Variants in TCAF2 observed in about 807,000 individuals in gnomAD.
TCAF2 encodes the protein TRPM8 channel associated factor 2.
In TCAF2, 6 loss-of-function variants were observed where a neutral mutation model predicts 33.9. The observed-to-expected ratio is 0.18, with a 90% CI of 0.10 to 0.35. TCAF2 has a LOEUF of 0.35. TCAF2 is among the 10% of genes least tolerant of loss of function. The pLI, the probability that TCAF2 is intolerant of heterozygous loss-of-function variation, is 1.00. For synonymous variants in TCAF2, 41 were observed against 247.8 expected (o/e 0.17, Z 7.84); for missense variants, 109 against 604.0 (o/e 0.18, Z 8.59).
chr7:143,621,041 G>T (rs1808771618), intron 1 of TCAF2, 21 bp downstream of exon 1: 2 of 172,438 alleles, frequency 1.2e-5, no homozygotes, highest in Admixed American at 1.5e-4. Context: ...CAATCCCAGC[G>T]GGTCCTGGGG....
In TCAF2 at chr7:143,724,551, C is replaced by A. The variant is rs141320728; in HGVS notation, c.2359C>A (p.His787Asn). ...ATCNLWSVYV[H>N]ETVLGIPRAQ... ...CTGTAACCTTTGGTCAGTCTACGTG[C>A]ATGAAACAGTCCTGGGGATCCCCAG... Residue 787 changes from histidine to asparagine, a missense_variant, in exon 7 of 8, where the codon CAT becomes AAT. Coordinates refer to ENST00000684770, the MANE Select transcript of TCAF2 (RefSeq NM_001363538.2). 25,446 of 1,605,908 alleles carry A rather than the reference C, an allele frequency of 0.016. 411 individuals carry two copies. The highest frequency in any genetic ancestry group is 0.018 in the Non-Finnish European group (21,593 of 1,175,466).
intron 1 of TCAF2, among the ~76,000 whole-genome samples, chr7:143,701,777 T>TTTTAC (rs1563172036): frequency 1.7e-5 from 2 of 120,830 alleles, no homozygotes; most frequent in East Asian, 4.2e-4. Flanking sequence ...TTTTATTTTA[T>TTTTAC]TTTATTTTAT....
intron 2 of TCAF2, among the ~76,000 whole-genome samples, chr7:143,718,545 G>A (rs1441491890): frequency 6.6e-6 from 1 of 151,244 alleles, no homozygotes; most frequent in Non-Finnish European, 1.5e-5. Context: ...GCAATCTATT[G>A]TTAACCATAA....
Position 143,720,069 on chromosome 7 carries a change from A to G in TCAF2, c.1010A>G (p.Lys337Arg). ...AGCGACTTGTGTGTCTACTGCTGCA[A>G]GGCGTACAGTGACAAGGAGGCTAAG... Reference protein sequence around the residue: ...LNSDLCVYCCKAYSDKEAKQL... With the variant: ...LNSDLCVYCCRAYSDKEAKQL... The change falls in exon 3 of 8, where the codon AAG becomes AGG. Residue 337 changes from lysine to arginine, a missense_variant. Lys to Arg is a conservative substitution (Grantham distance 26). Coordinates refer to ENST00000684770, the MANE Select transcript of TCAF2 (RefSeq NM_001363538.2). 1 of 1,604,084 alleles carries G rather than the reference A, an allele frequency of 6.2e-7. No homozygotes were observed. The highest frequency in any genetic ancestry group is 1.1e-5 in the South Asian group (1 of 90,708).
chr7:143,635,081 A>C (rs1373043146), intron 1 of TCAF2, among the ~76,000 whole-genome samples: 1 of 55,076 alleles, frequency 1.8e-5, no homozygotes, highest in Non-Finnish European at 3.6e-5. Context: ...AAATAAATCC[A>C]GAAGAGTATT....
chr7:143,724,598 G>C lies in TCAF2; in HGVS notation c.2406G>C (p.Leu802=), dbSNP rs1489086059. ...CCAGGGCTCAGGCCCACGAGGCTCT[G>C]AGCCCTCCAGAGCGAGAGAGGAGAA... ...GIPRAQAHEA[L]SPPERERRIK... is the part of the protein sequence containing the mutation. Residue 802 remains leucine, a synonymous_variant, in exon 7 of 8, where the codon CTG becomes CTC. Transcript: ENST00000684770. 1 of 1,610,836 alleles carries C rather than the reference G, an allele frequency of 6.2e-7. No individual in the cohort carries two copies. Among genetic ancestry groups the C allele is most frequent in the African/African-American group, 1.3e-5 (1 of 74,368 alleles).
In TCAF2 at chr7:143,729,181, T is replaced by G. The variant is rs1563179634; in HGVS notation, c.*1514T>G. ...GCTATTTACTGTGAGTGATTTAATG[T>G]TATCTTCCCAGCAGACCTCTGAGGT... On this transcript the variant is annotated 3_prime_UTR_variant, in exon 8 of 8. Transcript: ENST00000684770. 1 of 152,298 alleles carries G rather than the reference T, an allele frequency of 6.6e-6. No individual in the cohort carries two copies. Among genetic ancestry groups the G allele is most frequent in the East Asian group, 1.9e-4 (1 of 5,182 alleles). The allele number at this position is 152,298 out of a possible 1,614,324, so 9.4% of individuals were successfully genotyped here.
rs770522254 is a variant in TCAF2, at chr7:143,728,178, C to T, written c.*511C>T. On this transcript the variant is annotated 3_prime_UTR_variant, in exon 8 of 8. Transcript: ENST00000684770. Reference sequence around the variant, plus strand: ...TCTTCACATCCATGACATGAGGATACAAATCTTTTCCTCACAAAGCTGTTG... The same window carrying T: ...TCTTCACATCCATGACATGAGGATATAAATCTTTTCCTCACAAAGCTGTTG... 6.3e-4 allele frequency: 115 copies of T among 183,820 alleles called. No individual in the cohort carries two copies. Among genetic ancestry groups the T allele is most frequent in the South Asian group, 4.4e-4 (4 of 9,156 alleles). The allele number at this position is 183,820 out of a possible 1,614,324, so 11.4% of individuals were successfully genotyped here. A position where few individuals can be genotyped will look rare whatever the true frequency, so the allele number is the denominator to read the frequency against.
intron 7 of TCAF2, 152 bp downstream of exon 7, chr7:143,724,849 G>T (rs2116531546): frequency 2.6e-6 from 4 of 1,548,832 alleles, no homozygotes; most frequent in Middle Eastern, 2.4e-4. Flanking sequence ...GCAGGGTGGT[G>T]CTTCTTGGGT....
chr7:143,635,086 A>G (rs868619606), intron 1 of TCAF2, among the ~76,000 whole-genome samples: 1,796 of 53,690 alleles, frequency 0.033, 13 homozygotes, highest in African/African-American at 0.12. Context: ...AATCCAGAAG[A>G]GTATTTTTAC....
chr7:143,720,037 T>A lies in TCAF2; in HGVS notation c.978T>A (p.His326Gln). The A allele has an allele frequency of 1.2e-6, 2 of 1,603,236 alleles. No homozygotes were observed. The highest frequency in any genetic ancestry group is 1.7e-6 in the Non-Finnish European group (2 of 1,176,426). ...EHGLQCSLEPHLNSDLCVYCC... is the reference protein window; with the variant it reads ...EHGLQCSLEPQLNSDLCVYCC... The stretch of plus-strand genomic sequence containing the variant: ...GCCTGCAATGCAGCCTGGAGCCCCA[T>A]CTGAACAGCGACTTGTGTGTCTACT... The change falls in exon 3 of 8, where the codon CAT (histidine) becomes CAA (glutamine). Residue 326 changes from histidine (H) to glutamine (Q), a missense_variant. By Grantham distance (24) the His-to-Gln change is conservative. Coordinates refer to ENST00000684770, the MANE Select transcript of TCAF2 (RefSeq NM_001363538.2).
rs1253032921 is a variant in TCAF2 at position 143,701,756 on chromosome 7, A to AC, written c.-11-1228_-11-1227insC. Among the ~76,000 whole-genome samples, 489 of 88,310 alleles carry AC rather than the reference A, an allele frequency of 5.5e-3. 21 individuals are homozygous for AC. The highest frequency in any genetic ancestry group is 0.021 in the African/African-American group (472 of 22,894). The allele number at this position is 88,310 out of a possible 152,430, so 57.9% of individuals were successfully genotyped here. On this transcript the variant is annotated intron_variant, in intron 1 of 7. Coordinates refer to ENST00000684770, the MANE Select transcript of TCAF2 (RefSeq NM_001363538.2). The stretch of plus-strand genomic sequence containing the variant: ...TTAGACATATTCTTTGCTTTATTTT[A>AC]TTTTACTTTATTTTATTTTATTTTA...
rs1385832942 is a variant in TCAF2, at chr7:143,728,319, GTA to G, written c.*656_*657del. On this transcript the variant is annotated 3_prime_UTR_variant, in exon 8 of 8. Transcript: ENST00000684770. ...CCCTTGGGGTTAGCATTCAGTCCTT[GTA>G]TATTTAGAGAATGTCAATGTTTTCC... The G allele has an allele frequency of 6.5e-6, 1 of 154,602 alleles. No homozygotes were observed. Among genetic ancestry groups the G allele is most frequent in the East Asian group, 1.9e-4 (1 of 5,204 alleles). 9.6% of individuals were successfully genotyped at this position (154,602 alleles called of 1,614,324 possible). A position where few individuals can be genotyped will look rare whatever the true frequency, so the allele number is the denominator to read the frequency against.
chr7:143,724,860 T>G, intron 7 of TCAF2, 163 bp downstream of exon 7: 2 of 1,513,630 alleles, frequency 1.3e-6, no homozygotes, highest in Non-Finnish European at 1.8e-6. Context: ...CTTCTTGGGT[T>G]ATACCCCTCT....
At chr7:143,634,928 G>C (rs1808907755) in intron 1 of TCAF2, among the ~76,000 whole-genome samples, 1 of 136,432 alleles carries the variant, frequency 7.3e-6, no homozygotes, top group Non-Finnish European at 1.6e-5. Context: ...CTCAAGTGTT[G>C]GGGGCTGCAG....
intron 1 of TCAF2, among the ~76,000 whole-genome samples, chr7:143,701,772 T>C (rs149811383): frequency 0.41 from 35,723 of 86,684 alleles, 6,433 homozygotes; most frequent in South Asian, 0.5. Flanking sequence ...CTTTATTTTA[T>C]TTTATTTTAT....
intron 7 of TCAF2, among the ~76,000 whole-genome samples, 186 bp from the exon 8 acceptor site, chr7:143,727,224 AGAG>A (rs1809695718): frequency 1.6e-5 from 1 of 62,838 alleles, no homozygotes. Flanking sequence ...TTTGTGGCCA[AGAG>A]GAGGAATGAG....
rs1299984760 is a variant in TCAF2 at position 143,729,986 on chromosome 7, T to C, written c.*2319T>C. On this transcript the variant is annotated 3_prime_UTR_variant, in exon 8 of 8. Transcript: ENST00000684770. ...GGTATTCAATGGTATATATGCCATA[T>C]TTTCTTTATCCAGTCTATCATTGGT... The C allele has an allele frequency of 6.6e-6, 1 of 152,180 alleles. No homozygotes were observed. The highest frequency in any genetic ancestry group is 1.5e-5 in the Non-Finnish European group (1 of 68,038). 9.4% of individuals were successfully genotyped at this position (152,180 alleles called of 1,614,324 possible).
intron 7 of TCAF2, 141 bp downstream of exon 7, chr7:143,724,838 C>G: frequency 1.5e-5 from 23 of 1,565,954 alleles, no homozygotes; most frequent in Non-Finnish European, 2.0e-5. Flanking sequence ...GGGACTGGGC[C>G]GCAGGGTGGT....
Sources: allele counts gnomAD v4.1 joint callset (sites outside exome capture counted in the v4.1 genomes callset), GRCh38; gene constraint gnomAD v4.1.1; transcripts MANE v1.5; gene names NCBI Gene and HGNC (gene_info 2026-07-23, HGNC 2026-07-21).